FLNB: variants seen among roughly 807,000 people sequenced by gnomAD.
FLNB encodes the protein filamin-B.
In FLNB, 111 loss-of-function variants were observed where a neutral mutation model predicts 250.6. The ratio of observed to expected loss-of-function variants is 0.44; its 90% CI spans 0.38 to 0.52. The LOEUF (loss-of-function observed/expected upper bound fraction) is 0.52. Ranked by LOEUF, FLNB falls within the 20% of genes least tolerant of loss-of-function variation. The pLI, the probability that FLNB is intolerant of heterozygous loss-of-function variation, is 0.00. For synonymous variants in FLNB, 1,302 were observed against 1,372.1 expected, an observed-to-expected ratio of 0.95 and a Z score of 1.13; for missense variants, 2,869 against 3,447.8, an observed-to-expected ratio of 0.83 and a Z score of 4.20.
chr3:58,017,367 C>T (rs1288275576), intron 1 of FLNB, among the ~76,000 whole-genome samples: 1 of 152,248 alleles, frequency 6.6e-6, no homozygotes, highest in African/African-American at 2.4e-5. Context: ...TCTCCTGCCT[C>T]AGCCTCCCAA....
At chr3:58,031,100 A>G (rs1576608021) in intron 1 of FLNB, among the ~76,000 whole-genome samples, 1 of 152,146 alleles carries the variant, frequency 6.6e-6, no homozygotes, top group East Asian at 1.9e-4. Flanking sequence ...ATGGGCAGAG[A>G]GGGCTATACA....
chr3:58,055,103 C>G (rs1213926712), intron 1 of FLNB, among the ~76,000 whole-genome samples: 2 of 151,994 alleles, frequency 1.3e-5, no homozygotes, highest in Non-Finnish European at 2.9e-5. Flanking sequence ...CCTGTCTCTA[C>G]CAAAAATACA....
Position 58,123,155 on chromosome 3 carries a change from C to G in FLNB, c.3189C>G (p.Ile1063Met). 1 of 1,614,182 alleles carries G rather than the reference C, an allele frequency of 6.2e-7. No homozygotes were observed. The highest frequency in any genetic ancestry group is 8.5e-7 in the Non-Finnish European group (1 of 1,180,030). The change falls in exon 21 of 46, where the codon ATC (isoleucine) becomes ATG (methionine). Residue 1063 changes from isoleucine to methionine, a missense_variant. Ile to Met is a conservative substitution (Grantham distance 10). Coordinates refer to ENST00000295956, the MANE Select transcript of FLNB (RefSeq NM_001457.4). ...TGGGCAAGCCTGCCGAGTTCACCAT[C>G]GATACCAAAGGAGCTGGTACTGGAG... is the stretch of plus-strand genomic sequence containing the variant. The part of the protein sequence containing the change: ...GLVGKPAEFT[I>M]DTKGAGTGGL...
At chr3:58,117,155 C>T (rs966042273) in intron 18 of FLNB, among the ~76,000 whole-genome samples, 5 of 152,192 alleles carry the variant, frequency 3.3e-5, no homozygotes, top group African/African-American at 9.6e-5. Context: ...ATGCACTGGC[C>T]ATCACTACCC....
At chr3:58,121,665 C>T (rs2097288982) in intron 20 of FLNB, among the ~76,000 whole-genome samples, 162 bp downstream of exon 20, 1 of 152,204 alleles carries the variant, frequency 6.6e-6, no homozygotes, top group Non-Finnish European at 1.5e-5. Context: ...GGTCACAACC[C>T]TGCTCCTCCT....
At chr3:58,141,001 A>G (rs2097326020) in intron 29 of FLNB, among the ~76,000 whole-genome samples, 1 of 152,124 alleles carries the variant, frequency 6.6e-6, no homozygotes, top group African/African-American at 2.4e-5. Context: ...AAATCTCAGC[A>G]GTTTGGGAGG....
chr3:58,016,047 A>AGTTT (rs1010114300), intron 1 of FLNB, among the ~76,000 whole-genome samples: 1 of 149,590 alleles, frequency 6.7e-6, no homozygotes, highest in African/African-American at 2.5e-5. Flanking sequence ...ATGCTCCTTG[A>AGTTT]GTTTGTTTGT....
At chr3:58,127,139 A>G (rs772982851) in intron 24 of FLNB, among the ~76,000 whole-genome samples, 35 of 152,160 alleles carry the variant, frequency 2.3e-4, no homozygotes, top group Admixed American at 2.0e-3. Flanking sequence ...CCCAGGCAAC[A>G]TGGGGAATCC....
At chr3:58,103,433 T>G (rs1275365009) in intron 9 of FLNB, among the ~76,000 whole-genome samples, 1 of 152,236 alleles carries the variant, frequency 6.6e-6, no homozygotes, top group Non-Finnish European at 1.5e-5. Context: ...TGGCTGGGTT[T>G]GGAGTTTGCA....
intron 34 of FLNB, among the ~76,000 whole-genome samples, chr3:58,147,650 A>T (rs1046609724): frequency 6.6e-6 from 1 of 152,144 alleles, no homozygotes; most frequent in Non-Finnish European, 1.5e-5. Context: ...TTCAACTAAC[A>T]AAAATTCCTA....
chr3:58,141,994 G>A, intron 30 of FLNB, 65 bp downstream of exon 30: 1 of 1,400,424 alleles, frequency 7.1e-7, no homozygotes, highest in South Asian at 1.2e-5. Context: ...CAGAAAATCT[G>A]CCATCTGCTT....
At chr3:58,131,496 C>T (rs751239813) in intron 25 of FLNB, among the ~76,000 whole-genome samples, 1 of 152,228 alleles carries the variant, frequency 6.6e-6, no homozygotes, top group Non-Finnish European at 1.5e-5. Context: ...TGCATTGGAA[C>T]TTGCCTTTTT....
At chr3:58,160,333 A>G (rs1302018751) in intron 42 of FLNB, among the ~76,000 whole-genome samples, 1 of 152,196 alleles carries the variant, frequency 6.6e-6, no homozygotes, top group Admixed American at 6.5e-5. Flanking sequence ...GCCTTGGTAT[A>G]TGGAATTCTC....
chr3:58,094,893 T>C lies in FLNB; in HGVS notation c.845T>C (p.Ile282Thr). ...CCAGCCAAGTTCACTGTGGACACCA[T>C]CAGCGCCGGGCAAGGAGACGTGATG... is the stretch of plus-strand genomic sequence containing the variant. Reference protein sequence around the residue: ...KQPAKFTVDTISAGQGDVMVF... With the variant: ...KQPAKFTVDTTSAGQGDVMVF... The change falls in exon 5 of 46, where the codon ATC (isoleucine) becomes ACC (threonine). Residue 282 changes from isoleucine to threonine, a missense_variant. Physicochemically the swap from Ile to Thr is moderately conservative, Grantham distance 89. Transcript: ENST00000295956. 1 of 1,614,066 alleles carries C rather than the reference T, an allele frequency of 6.2e-7. No homozygotes were observed. Among genetic ancestry groups the C allele is most frequent in the Non-Finnish European group, 8.5e-7 (1 of 1,180,000 alleles).
chr3:58,124,131 T>C (rs2097293738), intron 21 of FLNB, among the ~76,000 whole-genome samples: 1 of 152,170 alleles, frequency 6.6e-6, no homozygotes, highest in Non-Finnish European at 1.5e-5. Context: ...AGTCGTGTTG[T>C]CACTTAGCCG....
intron 38 of FLNB, among the ~76,000 whole-genome samples, chr3:58,152,273 C>T (rs1201801776): frequency 7.9e-5 from 12 of 152,168 alleles, no homozygotes; most frequent in African/African-American, 2.4e-5. Context: ...AGATGTCCTC[C>T]GGACCCAGGT....
In FLNB at chr3:58,150,705, T is replaced by C. The variant is rs759912478; in HGVS notation, c.6367+478T>C. The C allele has an allele frequency of 4.4e-4, 91 of 206,874 alleles. 1 individual carries two copies. The Middle Eastern group carries it at 8.5e-3, about 19-fold the overall frequency. The allele number at this position is 206,874 out of a possible 1,614,324, so 12.8% of individuals were successfully genotyped here. A position where few individuals can be genotyped will look rare whatever the true frequency, so the allele number is the denominator to read the frequency against. ...GCCCTTTGGTGGTGAATTGTTCTTC[T>C]TGGGCCCCGATTAGCCAGTCAACAG... On this transcript the variant is annotated intron_variant, in intron 38 of 45. Coordinates refer to ENST00000295956, the MANE Select transcript of FLNB (RefSeq NM_001457.4).
intron 25 of FLNB, chr3:58,131,776 A>G: frequency 1.6e-6 from 1 of 642,694 alleles, no homozygotes; most frequent in Non-Finnish European, 2.8e-6. Flanking sequence ...CTGTGAAGTT[A>G]CTGAGCTTCA....
chr3:58,060,769 C>CAAAAAAAAAAAAAAAAAAAAAAA (rs71091334), intron 1 of FLNB, among the ~76,000 whole-genome samples: 19 of 64,206 alleles, frequency 3.0e-4, no homozygotes, highest in Non-Finnish European at 4.2e-4. Flanking sequence ...GACCTTGTCT[C>CAAAAAAAAAAAAAAAAAAAAAAA]AAAAAAAAAA....
Sources: allele counts gnomAD v4.1 joint callset (sites outside exome capture counted in the v4.1 genomes callset), GRCh38; gene constraint gnomAD v4.1.1; transcripts MANE v1.5; gene names NCBI Gene and HGNC (gene_info 2026-07-23, HGNC 2026-07-21).